The following GSG1L variants were observed in gnomAD, a reference collection of about 807,000 sequenced individuals.
GSG1L encodes germ cell-specific gene 1-like protein.
In GSG1L, 24 loss-of-function variants were observed where a neutral mutation model predicts 42.1. That is an observed-to-expected ratio of 0.57 (90% confidence interval 0.41 to 0.80). The LOEUF (loss-of-function observed/expected upper bound fraction) is 0.80. GSG1L is among the 30% of genes least tolerant of loss of function. The pLI, the probability that GSG1L is intolerant of heterozygous loss-of-function variation, is 0.00. For missense variants in GSG1L, 445 were observed against 472.2 expected (o/e 0.94, Z 0.53); for synonymous variants, 215 against 203.5 (o/e 1.06, Z -0.48).
chr16:27,980,835 T>C (rs1043037254), intron 1 of GSG1L, among the ~76,000 whole-genome samples: 1 of 144,304 alleles, frequency 6.9e-6, no homozygotes, highest in Non-Finnish European at 1.5e-5. Context: ...TGAGCTGAGA[T>C]CACGCACTGC....
At chr16:27,979,029 C>T (rs534247792) in intron 1 of GSG1L, among the ~76,000 whole-genome samples, 2 of 152,260 alleles carry the variant, frequency 1.3e-5, no homozygotes, top group Admixed American at 6.5e-5. Flanking sequence ...AGCCACAGGA[C>T]GTGAGTTCAA....
At chr16:27,934,377 C>G (rs1479975695) in intron 2 of GSG1L, among the ~76,000 whole-genome samples, 1 of 152,166 alleles carries the variant, frequency 6.6e-6, no homozygotes, top group Non-Finnish European at 1.5e-5. Flanking sequence ...AACCCCATCT[C>G]TACAAAAATT....
chr16:27,961,445 G>A (rs941967708), intron 2 of GSG1L, among the ~76,000 whole-genome samples: 2 of 152,204 alleles, frequency 1.3e-5, no homozygotes, highest in African/African-American at 4.8e-5. Flanking sequence ...GTGGAGAGGT[G>A]TGAAGCGCAG....
rs1243975180 is a variant in GSG1L, at chr16:28,048,487, C to T, written c.349+14589G>A. On this transcript the variant is annotated intron_variant, in intron 1 of 6. Transcript: ENST00000447459. ...ATGTTGCCCAGTCTGGTCTCTAACT[C>T]CTGGTTTCAAGTGATCTTCCCACCT... Among the ~76,000 whole-genome samples the T allele has an allele frequency of 2.6e-5, 4 of 152,036 alleles. No homozygotes were observed. In the East Asian group the frequency reaches 7.7e-4, roughly 29 times the overall value.
intron 6 of GSG1L, among the ~76,000 whole-genome samples, chr16:27,792,163 C>T (rs1397153357): frequency 1.3e-4 from 20 of 152,138 alleles, no homozygotes; most frequent in Admixed American, 1.2e-3. Flanking sequence ...AAGCAGGCCT[C>T]CTTGAGCACC....
At position 28,059,916 on chromosome 16, in the gene GSG1L, T is replaced by C. The variant is rs2086321811; in HGVS notation, c.349+3160A>G. ...CTTTGTGAACACTGTAGATTTTTAG[T>C]GTGGGAAAAAGGGCTTATTACATTT... On this transcript the variant is annotated intron_variant, in intron 1 of 6. Coordinates refer to ENST00000447459, the MANE Select transcript of GSG1L (RefSeq NM_001109763.2). This position sits in a 1 kb window ranked among gnomAD's most constrained non-coding sequence, Gnocchi z 4.4. 6.6e-6 allele frequency among the ~76,000 whole-genome samples: 1 copy of C among 152,082 alleles called. No individual in the cohort carries two copies. Among genetic ancestry groups the C allele is most frequent in the African/African-American group, 2.4e-5 (1 of 41,392 alleles).
chr16:27,803,709 A>G (rs75252454), intron 6 of GSG1L, among the ~76,000 whole-genome samples: 1,754 of 150,812 alleles, frequency 0.012, 38 homozygotes, highest in African/African-American at 0.041. Context: ...GTAGATTACA[A>G]GATGGTCTCC....
intron 6 of GSG1L, among the ~76,000 whole-genome samples, chr16:27,803,779 A>C (rs1392568525): frequency 0.027 from 2,208 of 83,300 alleles, 89 homozygotes; most frequent in East Asian, 0.14. Flanking sequence ...ATATATATAT[A>C]TATATATATA....
intron 1 of GSG1L, among the ~76,000 whole-genome samples, chr16:28,061,006 G>A (rs2086333505): frequency 6.6e-6 from 1 of 152,210 alleles, no homozygotes; most frequent in African/African-American, 2.4e-5. Context: ...AGGCTCAGCT[G>A]AGCAGCTTGG....
intron 1 of GSG1L, among the ~76,000 whole-genome samples, chr16:28,008,859 A>C (rs1274178526): frequency 6.6e-6 from 1 of 152,168 alleles, no homozygotes; most frequent in Non-Finnish European, 1.5e-5. Flanking sequence ...CCCAGGCTGG[A>C]GTACAGTGGC....
chr16:27,850,045 T>TTTTTTTTTTG (rs2083491480), intron 3 of GSG1L, among the ~76,000 whole-genome samples: 1 of 141,418 alleles, frequency 7.1e-6, no homozygotes, highest in Admixed American at 7.5e-5. Flanking sequence ...TTTTTTTTTT[T>TTTTTTTTTTG]GAGATGGGAA....
chr16:27,974,783 G>T (rs2085233288), intron 1 of GSG1L, among the ~76,000 whole-genome samples: 1 of 152,148 alleles, frequency 6.6e-6, no homozygotes, highest in Non-Finnish European at 1.5e-5. Flanking sequence ...ACCGTGAGAG[G>T]GTGTGCCCTG....
intron 2 of GSG1L, among the ~76,000 whole-genome samples, chr16:27,915,725 A>C (rs891338548): frequency 6.6e-6 from 1 of 152,188 alleles, no homozygotes; most frequent in African/African-American, 2.4e-5. Context: ...GCAGTGAGCT[A>C]TGACTATGCC....
rs568800136 is a variant in GSG1L, at chr16:27,931,852, C to T, written c.397+31304G>A. ...GAGGAGCGCAGTGTGGAGAATCAGG[C>T]GGGTGTTGGGTTAGGTATAGACACA... On this transcript the variant is annotated intron_variant, in intron 2 of 6. Transcript: ENST00000447459. Among the ~76,000 whole-genome samples the T allele has an allele frequency of 4.7e-4, 72 of 152,188 alleles. 2 individuals carry two copies. In the South Asian group the frequency reaches 0.012, roughly 25 times the overall value.
At chr16:27,986,624 G>A (rs981559139) in intron 1 of GSG1L, among the ~76,000 whole-genome samples, 2 of 152,214 alleles carry the variant, frequency 1.3e-5, no homozygotes, top group Admixed American at 6.5e-5. Context: ...TGACTTACTG[G>A]TGCGGGGTTA....
chr16:27,791,382 C>T lies in GSG1L; in HGVS notation c.984G>A (p.Gly328=), dbSNP rs2082750208. Residue 328 remains glycine, a synonymous_variant, in exon 7 of 7, where the codon GGG becomes GGA. Transcript: ENST00000447459. ...PELNRQCWVL[G]HWV Reference sequence around the variant, plus strand: ...GTTGAGGTCTTGGTCACACCCAGTGCCCCAAGACCCAGCACTGTCGGTTCA... The same window carrying T: ...GTTGAGGTCTTGGTCACACCCAGTGTCCCAAGACCCAGCACTGTCGGTTCA... 6.8e-7 allele frequency: 1 copy of T among 1,472,668 alleles called. No individual in the cohort carries two copies. The highest frequency in any genetic ancestry group is 9.1e-7 in the Non-Finnish European group (1 of 1,104,266). The allele number at this position is 1,472,668 out of a possible 1,614,324, so 91.2% of individuals were successfully genotyped here.
chr16:27,854,434 C>A (rs904767412), intron 3 of GSG1L, among the ~76,000 whole-genome samples: 1 of 152,130 alleles, frequency 6.6e-6, no homozygotes, highest in African/African-American at 2.4e-5. Flanking sequence ...ATGAGCAGGG[C>A]TTCCCTAAAA....
chr16:27,898,827 A>G (rs143450108), intron 2 of GSG1L, among the ~76,000 whole-genome samples: 411 of 152,340 alleles, frequency 2.7e-3, no homozygotes, highest in African/African-American at 9.1e-3. Context: ...GAAAATCACA[A>G]GAGAATCTAG....
At chr16:27,907,818 C>T (rs1463528581) in intron 2 of GSG1L, among the ~76,000 whole-genome samples, 1 of 152,194 alleles carries the variant, frequency 6.6e-6, no homozygotes, top group Non-Finnish European at 1.5e-5. Context: ...GCTGTTGCCC[C>T]AGTCTAGGCC....
Sources: gnomAD v4.1 joint callset for allele counts (sites outside exome capture counted in the v4.1 genomes callset) on GRCh38, gnomAD v4.1.1 for gene constraint, Gnocchi (gnomAD v3.1) non-coding constraint, MANE v1.5 for transcripts, NCBI Gene and HGNC (gene_info 2026-07-23, HGNC 2026-07-21) for gene names.